Variants in GARNL3 observed in about 807,000 individuals in gnomAD.
GARNL3 encodes GTPase-activating Rap/Ran-GAP domain-like protein 3.
Under a neutral mutation model 125.0 loss-of-function variants are expected in GARNL3, and 63 were observed. The ratio of observed to expected loss-of-function variants is 0.50; its 90% CI spans 0.41 to 0.62. The LOEUF (loss-of-function observed/expected upper bound fraction) is 0.62, where lower values mean the gene tolerates loss of function less well. GARNL3 is among the 20% of genes least tolerant of loss of function. GARNL3 has a pLI of 0.00. For missense variants in GARNL3, 994 were observed against 1,244.0 expected, an observed-to-expected ratio of 0.80 and a Z score of 3.02; for synonymous variants, 439 against 457.5, an observed-to-expected ratio of 0.96 and a Z score of 0.52.
At chr9:127,330,116 T>C (rs777498107) in intron 7 of GARNL3, among the ~76,000 whole-genome samples, 1 of 152,190 alleles carries the variant, frequency 6.6e-6, no homozygotes, top group Non-Finnish European at 1.5e-5. Context: ...ACTCCTGGGG[T>C]GGAACCCAGC....
intron 4 of GARNL3, among the ~76,000 whole-genome samples, chr9:127,314,921 C>G (rs572077778): frequency 6.6e-6 from 1 of 152,060 alleles, no homozygotes; most frequent in Non-Finnish European, 1.5e-5. Flanking sequence ...AGTCATTTGA[C>G]GAGTAGAAGG....
intron 16 of GARNL3, among the ~76,000 whole-genome samples, chr9:127,347,097 A>G (rs1308037872): frequency 6.6e-6 from 1 of 152,166 alleles, no homozygotes; most frequent in Non-Finnish European, 1.5e-5. Flanking sequence ...GCACCCGTGT[A>G]AAGCAATGGA....
At chr9:127,304,824 ACCAAGCCCGG>A (rs1469517236) in intron 2 of GARNL3, among the ~76,000 whole-genome samples, 1 of 152,142 alleles carries the variant, frequency 6.6e-6, no homozygotes, top group African/African-American at 2.4e-5. Context: ...AGCGTGAGCC[ACCAAGCCCGG>A]CCAGTGGCTT....
chr9:127,231,035 C>CATATATGTATAT (rs1554887383), intron 1 of GARNL3, among the ~76,000 whole-genome samples: 1 of 55,842 alleles, frequency 1.8e-5, no homozygotes, highest in African/African-American at 8.7e-5. Context: ...TGTATATATA[C>CATATATGTATAT]ATATATATAT....
intron 21 of GARNL3, 38 bp from the exon 22 acceptor site, chr9:127,365,262 T>G: frequency 6.4e-7 from 1 of 1,564,424 alleles, no homozygotes; most frequent in South Asian, 1.1e-5. Flanking sequence ...AGGGTCAGCA[T>G]CCAGCCTGCC....
chr9:127,258,745 A>C (rs2063535251), upstream of GARNL3, among the ~76,000 whole-genome samples: 1 of 152,186 alleles, frequency 6.6e-6, no homozygotes, highest in Admixed American at 6.5e-5. Context: ...GCAAGAAGCT[A>C]TTCTAGCACC....
intron 26 of GARNL3, among the ~76,000 whole-genome samples, chr9:127,389,427 G>A (rs998496914): frequency 6.6e-6 from 1 of 152,156 alleles, no homozygotes; most frequent in Non-Finnish European, 1.5e-5. Context: ...ACCAATCTAT[G>A]TATGATTTCC....
In GARNL3 at chr9:127,390,745, G is replaced by C. The variant is rs1013028417; in HGVS notation, c.2848G>C (p.Val950Leu). Residue 950 changes from valine (V) to leucine (L), a missense_variant, in exon 27 of 28, where the codon GTG becomes CTG. Around this residue, in one of 5 missense-constraint regions of GARNL3, gnomAD observed 728 missense variants for 865.7 expected, o/e 0.84. Coordinates refer to ENST00000373387, the MANE Select transcript of GARNL3 (RefSeq NM_032293.5). The stretch of plus-strand genomic sequence containing the variant: ...CCAAGGAGGCCCCAAGCCAGGGGCA[G>C]TGAGGTCATCTAGCAGTGACAGGTA... The part of the protein sequence containing the change: ...ESQGGPKPGA[V>L]RSSSSDRIPS... 6 of 1,613,718 alleles carry C rather than the reference G, an allele frequency of 3.7e-6. No individual in the cohort carries two copies. Among genetic ancestry groups the C allele is most frequent in the Non-Finnish European group, 3.4e-6 (4 of 1,179,798 alleles).
rs190810898 is a variant in GARNL3, at chr9:127,355,244, G to A, written c.1760-53G>A. The A allele has an allele frequency of 6.4e-5, 96 of 1,510,866 alleles. No homozygotes were observed. In the Admixed American group the frequency reaches 1.0e-3, roughly 16 times the overall value. 93.6% of individuals were successfully genotyped at this position (1,510,866 alleles called of 1,614,324 possible). A position where few individuals can be genotyped will look rare whatever the true frequency, so the allele number is the denominator to read the frequency against. ...GTATTGCCAAATTGTCAAGGTCTGG[G>A]GGCTTCCACACCCGCATGTCATGTG... On this transcript the variant is annotated intron_variant, in intron 19 of 27. Transcript: ENST00000373387.
intron 17 of GARNL3, 35 bp downstream of exon 17, chr9:127,349,070 C>T (rs1830294826): frequency 7.0e-7 from 1 of 1,431,612 alleles, no homozygotes; most frequent in Non-Finnish European, 9.9e-7. Flanking sequence ...ATGTCTTTTT[C>T]ATGTAACTTG....
At chr9:127,391,707 A>T (rs989766689) in intron 27 of GARNL3, among the ~76,000 whole-genome samples, 25 of 150,522 alleles carry the variant, frequency 1.7e-4, no homozygotes, top group African/African-American at 5.6e-4. Context: ...TGTCAAAAAA[A>T]AAAAAAAAAA....
In GARNL3 at chr9:127,266,221, C is replaced by T. The variant is rs550941840; in HGVS notation, c.144+1200C>T. On this transcript the variant is annotated intron_variant, in intron 1 of 27. Transcript: ENST00000373387. The surrounding 1 kb of genome is among the most constrained non-coding windows in gnomAD (Gnocchi z 4.0). ...TGAAAGAGATGCATGTAGAGCACCA[C>T]GGGGGTTCAGAGAAGGAAGGGATCA... Among the ~76,000 whole-genome samples the T allele has an allele frequency of 1.3e-5, 2 of 152,200 alleles. No homozygotes were observed. Among genetic ancestry groups the T allele is most frequent in the South Asian group, 4.2e-4 (2 of 4,814 alleles).
intron 19 of GARNL3, among the ~76,000 whole-genome samples, 188 bp downstream of exon 19, chr9:127,354,598 T>G (rs1310440111): frequency 1.3e-5 from 2 of 152,240 alleles, no homozygotes; most frequent in Non-Finnish European, 2.9e-5. Flanking sequence ...CATTGAGGAC[T>G]AGAAGAAATT....
chr9:127,285,337 C>T (rs140715746), intron 1 of GARNL3, among the ~76,000 whole-genome samples: 2 of 152,242 alleles, frequency 1.3e-5, no homozygotes, highest in Non-Finnish European at 2.9e-5. Context: ...GCAGGAGAAT[C>T]GCTCGAACTC....
At chr9:127,238,364 T>C (rs2063148184) in intron 1 of GARNL3, among the ~76,000 whole-genome samples, 1 of 152,206 alleles carries the variant, frequency 6.6e-6, no homozygotes, top group Admixed American at 6.5e-5. Flanking sequence ...TGTTACTTCC[T>C]TGTGGCCTTG....
intron 2 of GARNL3, among the ~76,000 whole-genome samples, chr9:127,247,281 C>T (rs983766475): frequency 4.6e-5 from 7 of 152,058 alleles, no homozygotes; most frequent in Non-Finnish European, 1.0e-4. Flanking sequence ...ACTAGTGAGG[C>T]GCTTGTTGGT....
At chr9:127,357,478 T>G in intron 21 of GARNL3, 101 bp downstream of exon 21, 2 of 1,141,146 alleles carry the variant, frequency 1.8e-6, no homozygotes, top group African/African-American at 1.5e-5. Context: ...TTTAAAATTA[T>G]GTACTATTCA....
intron 2 of GARNL3, among the ~76,000 whole-genome samples, chr9:127,297,996 G>A (rs928697730): frequency 6.6e-6 from 1 of 152,124 alleles, no homozygotes; most frequent in Admixed American, 6.5e-5. Context: ...GTTGAGCATG[G>A]GTGTGTATTG....
chr9:127,347,838 T>A (rs1032528363), intron 16 of GARNL3, among the ~76,000 whole-genome samples: 1 of 152,126 alleles, frequency 6.6e-6, no homozygotes, highest in African/African-American at 2.4e-5. Context: ...TTTTAGAACA[T>A]CACAAGTTCC....
Sources: gnomAD v4.1 joint callset for allele counts (sites outside exome capture counted in the v4.1 genomes callset) on GRCh38, gnomAD v4.1.1 for gene constraint, gnomAD v4.1.1 regional missense constraint, Gnocchi (gnomAD v3.1) non-coding constraint, MANE v1.5 for transcripts, NCBI Gene and HGNC (gene_info 2026-07-23, HGNC 2026-07-21) for gene names.